The following HSPB8 variants were observed in gnomAD, a reference collection of about 807,000 sequenced individuals.
HSPB8 encodes heat shock protein family B (small) member 8, also known as heat shock protein beta-8.
HSPB8 carries 9 observed loss-of-function variants against 16.5 expected under a neutral mutation model. That is an observed-to-expected ratio of 0.55 (90% CI 0.33 to 0.95). HSPB8 has a LOEUF of 0.95. HSPB8 is among the 40% of genes least tolerant of loss of function. The pLI is 0.03. For synonymous variants in HSPB8, 99 were observed against 94.8 expected, an observed-to-expected ratio of 1.04 and a Z score of -0.26; for missense variants, 238 against 251.2, an observed-to-expected ratio of 0.95 and a Z score of 0.35.
In HSPB8 at chr12:119,194,250, G is replaced by A. The variant is rs756346061; in HGVS notation, c.*392G>A. On this transcript the variant is annotated 3_prime_UTR_variant, in exon 3 of 3. Coordinates refer to ENST00000281938, the MANE Select transcript of HSPB8 (RefSeq NM_014365.3). ...ACCCAGGTTCCTACTCTGGGCTCCC[G>A]ATTCCCATGGCTCCCAAACCATGCC... is the stretch of plus-strand genomic sequence containing the variant. The A allele has an allele frequency of 6.7e-5, 20 of 297,524 alleles. No individual in the cohort carries two copies. The highest frequency in any genetic ancestry group is 1.1e-4 in the Non-Finnish European group (17 of 154,842). The allele number at this position is 297,524 out of a possible 1,614,324, so 18.4% of individuals were successfully genotyped here.
chr12:119,182,661 A>G (rs1213812285), intron 1 of HSPB8, among the ~76,000 whole-genome samples: 1 of 152,104 alleles, frequency 6.6e-6, no homozygotes, highest in Non-Finnish European at 1.5e-5. Flanking sequence ...AAATAAAAAT[A>G]AATAAAAAGC....
At chr12:119,186,787 G>T in intron 1 of HSPB8, 1 of 545,454 alleles carries the variant, frequency 1.8e-6, no homozygotes, top group Non-Finnish European at 3.3e-6. Context: ...ACAAACCACG[G>T]TCTACGCCTC....
chr12:119,179,211 C>A lies in HSPB8; in HGVS notation c.-102C>A. The A allele has an allele frequency of 1.6e-6, 2 of 1,254,268 alleles. No individual in the cohort carries two copies. Among genetic ancestry groups the A allele is most frequent in the Middle Eastern group, 4.7e-4 (2 of 4,230 alleles). The allele number at this position is 1,254,268 out of a possible 1,614,324, so 77.7% of individuals were successfully genotyped here. Reference sequence around the variant, plus strand: ...TGCAGAAAAGCAGCATTTTCGGAAGCTGAAGAATAAGCTAGCCCAGCCACA... The same window carrying A: ...TGCAGAAAAGCAGCATTTTCGGAAGATGAAGAATAAGCTAGCCCAGCCACA... On this transcript the variant is annotated 5_prime_UTR_variant, in exon 1 of 3. The change creates a new upstream start codon in the 5' untranslated region. Coordinates refer to ENST00000281938, the MANE Select transcript of HSPB8 (RefSeq NM_014365.3).
At chr12:119,189,186 G>C (rs528321264) in intron 2 of HSPB8, among the ~76,000 whole-genome samples, 2 of 152,152 alleles carry the variant, frequency 1.3e-5, no homozygotes, top group African/African-American at 4.8e-5. Flanking sequence ...AGGAAGGCAG[G>C]GGGTGGGGGG....
chr12:119,190,721 C>G (rs1200352330), intron 2 of HSPB8, among the ~76,000 whole-genome samples: 1 of 151,986 alleles, frequency 6.6e-6, no homozygotes, highest in African/African-American at 2.4e-5. Context: ...CTGAGGAAAG[C>G]GATCATGAAA....
At chr12:119,186,536 T>A (rs1012749116) in intron 1 of HSPB8, among the ~76,000 whole-genome samples, 2 of 152,106 alleles carry the variant, frequency 1.3e-5, no homozygotes, top group Non-Finnish European at 2.9e-5. Flanking sequence ...GAACGACGTC[T>A]GGGCTCAGAG....
At chr12:119,186,694 T>TTGGAAGATTTGGTACAACACA (rs56836137) in intron 1 of HSPB8, 3 of 350,566 alleles carry the variant, frequency 8.6e-6, no homozygotes, top group Non-Finnish European at 1.6e-5. Flanking sequence ...GGTGGGAGAC[T>TTGGAAGATTTGGTACAACACA]TGGAAGATTT....
chr12:119,181,043 C>G (rs1165225764), intron 1 of HSPB8, among the ~76,000 whole-genome samples: 1 of 152,182 alleles, frequency 6.6e-6, no homozygotes, highest in African/African-American at 2.4e-5. Context: ...CTTTGTGCTT[C>G]TGTTTTGTTT....
chr12:119,194,249 C>T lies in HSPB8; in HGVS notation c.*391C>T, dbSNP rs576147994. The T allele has an allele frequency of 4.4e-5, 13 of 296,190 alleles. No homozygotes were observed. Among genetic ancestry groups the T allele is most frequent in the African/African-American group, 1.5e-4 (7 of 45,670 alleles). 18.3% of individuals were successfully genotyped at this position (296,190 alleles called of 1,614,324 possible). A position where few individuals can be genotyped will look rare whatever the true frequency, so the allele number is the denominator to read the frequency against. On this transcript the variant is annotated 3_prime_UTR_variant, in exon 3 of 3. Coordinates refer to ENST00000281938, the MANE Select transcript of HSPB8 (RefSeq NM_014365.3). ...CACCCAGGTTCCTACTCTGGGCTCCCGATTCCCATGGCTCCCAAACCATGC... is the reference window on the plus strand; with the variant it reads ...CACCCAGGTTCCTACTCTGGGCTCCTGATTCCCATGGCTCCCAAACCATGC...
chr12:119,188,983 T>G (rs1954694198), intron 2 of HSPB8, among the ~76,000 whole-genome samples: 1 of 152,174 alleles, frequency 6.6e-6, no homozygotes, highest in Admixed American at 6.5e-5. Flanking sequence ...GATTCTACAT[T>G]CCTGTCTCTT....
intron 1 of HSPB8, among the ~76,000 whole-genome samples, chr12:119,185,665 T>C (rs11064698): frequency 0.31 from 46,433 of 151,672 alleles, 7,528 homozygotes; most frequent in African/African-American, 0.41. Flanking sequence ...TTAGAAACAG[T>C]GCCTCTCTAT....
intron 2 of HSPB8, among the ~76,000 whole-genome samples, chr12:119,188,329 C>T (rs1187779077): frequency 6.6e-6 from 1 of 151,208 alleles, no homozygotes; most frequent in Non-Finnish European, 1.5e-5. Flanking sequence ...TCACTGCAAC[C>T]TCTGCCTCCT....
chr12:119,182,972 T>C (rs890634646), intron 1 of HSPB8: 1 of 152,228 alleles, frequency 6.6e-6, no homozygotes, highest in African/African-American at 2.4e-5. Flanking sequence ...TCTGGCGGTG[T>C]GGCCCTGAGC....
Position 119,194,705 on chromosome 12 carries a change from TTAATAA to T in HSPB8, c.*866_*871del, listed in dbSNP as rs60924821. On this transcript the variant is annotated 3_prime_UTR_variant, in exon 3 of 3. Coordinates refer to ENST00000281938, the MANE Select transcript of HSPB8 (RefSeq NM_014365.3). Reference sequence around the variant, plus strand: ...TTTAGGGGTAAATAACAGTAAATAATTAATAATAATAATAATAATAATAAAGGAGCT... The same window carrying T: ...TTTAGGGGTAAATAACAGTAAATAATTAATAATAATAATAATAAAGGAGCT... 91,699 of 287,590 alleles carry T rather than the reference TTAATAA, an allele frequency of 0.32. 14,480 individuals carry two copies. The highest frequency in any genetic ancestry group is 0.34 in the African/African-American group (15,411 of 45,542). The allele number at this position is 287,590 out of a possible 1,614,324, so 17.8% of individuals were successfully genotyped here.
At chr12:119,185,960 A>T (rs866814100) in intron 1 of HSPB8, among the ~76,000 whole-genome samples, 2 of 152,200 alleles carry the variant, frequency 1.3e-5, no homozygotes, top group Non-Finnish European at 2.9e-5. Flanking sequence ...TGTGTAAATG[A>T]GGGTTCTTGC....
In HSPB8 at chr12:119,179,379, G is replaced by A; in HGVS notation, c.67G>A (p.Asp23Asn). The change falls in exon 1 of 3, where the codon GAC becomes AAC. Residue 23 changes from aspartate (D) to asparagine (N), a missense_variant. By Grantham distance (23) the Asp-to-Asn change is conservative. Coordinates refer to ENST00000281938, the MANE Select transcript of HSPB8 (RefSeq NM_014365.3). ...PSRLRRDPFRDSPLSSRLLDD... is the reference protein window; with the variant it reads ...PSRLRRDPFRNSPLSSRLLDD... ...CCGCCTGCGCCGAGACCCCTTCCGG[G>A]ACTCTCCCCTCTCCTCTCGCCTGCT... 1 of 1,614,058 alleles carries A rather than the reference G, an allele frequency of 6.2e-7. No homozygotes were observed. Among genetic ancestry groups the A allele is most frequent in the Non-Finnish European group, 8.5e-7 (1 of 1,179,996 alleles).
Position 119,194,194 on chromosome 12 carries a change from G to C in HSPB8, c.*336G>C. ...TGTATCTTACTTGCAGTGAATGCAA[G>C]GGTTACTTTTCTCTGGGGACCTCCC... On this transcript the variant is annotated 3_prime_UTR_variant, in exon 3 of 3. Transcript: ENST00000281938. 2.9e-6 allele frequency: 1 copy of C among 341,430 alleles called. No individual in the cohort carries two copies. Among genetic ancestry groups the C allele is most frequent in the East Asian group, 7.5e-5 (1 of 13,252 alleles). The allele number at this position is 341,430 out of a possible 1,614,324, so 21.2% of individuals were successfully genotyped here. A position where few individuals can be genotyped will look rare whatever the true frequency, so the allele number is the denominator to read the frequency against.
Position 119,179,164 on chromosome 12 carries a change from A to C in HSPB8, c.-149A>C, listed in dbSNP as rs1041936869. 51 of 787,026 alleles carry C rather than the reference A, an allele frequency of 6.5e-5. No individual in the cohort carries two copies. The highest frequency in any genetic ancestry group is 3.4e-4 in the Middle Eastern group (1 of 2,932). The allele number at this position is 787,026 out of a possible 1,614,324, so 48.8% of individuals were successfully genotyped here. On this transcript the variant is annotated 5_prime_UTR_variant, in exon 1 of 3. Transcript: ENST00000281938. ...TCGAGGGGACACAACCGTCCCTGGC[A>C]GTGGTTGGTTCTGCTTCTCCCTGCA...
chr12:119,182,599 C>T (rs1954646008), intron 1 of HSPB8, among the ~76,000 whole-genome samples: 1 of 152,014 alleles, frequency 6.6e-6, no homozygotes, highest in Non-Finnish European at 1.5e-5. Context: ...GACCGTGCCA[C>T]TGCATTCCAG....
Sources: allele counts gnomAD v4.1 joint callset (sites outside exome capture counted in the v4.1 genomes callset), GRCh38; gene constraint gnomAD v4.1.1; transcripts MANE v1.5; gene names NCBI Gene and HGNC (gene_info 2026-07-23, HGNC 2026-07-21).